Variants in TLN2 observed in about 807,000 individuals in gnomAD.
The protein encoded by TLN2 is talin 2, also known as talin-2.
A neutral mutation model predicts 294.7 loss-of-function variants in TLN2; 118 were observed. The ratio of observed to expected loss-of-function variants is 0.40; its 90% CI spans 0.34 to 0.47. TLN2 has a LOEUF of 0.47. Ranked by LOEUF, TLN2 falls within the 20% of genes least tolerant of loss-of-function variation. The probability of loss-of-function intolerance (pLI) is 0.84; values close to 1 mark genes in which losing one functional copy is unlikely to be tolerated. For missense variants in TLN2, 3,083 were observed against 3,282.2 expected, an observed-to-expected ratio of 0.94 and a Z score of 1.48; for synonymous variants, 1,431 against 1,304.5, an observed-to-expected ratio of 1.10 and a Z score of -2.09.
At chr15:62,394,221 G>A (rs2032337242) in intron 1 of TLN2, among the ~76,000 whole-genome samples, 1 of 152,286 alleles carries the variant, frequency 6.6e-6, no homozygotes, top group East Asian at 1.9e-4. Flanking sequence ...GTGTAGTGGT[G>A]TTGTGATGTG....
At chr15:62,492,813 A>G (rs2038819951) in intron 1 of TLN2, among the ~76,000 whole-genome samples, 1 of 152,214 alleles carries the variant, frequency 6.6e-6, no homozygotes, top group Non-Finnish European at 1.5e-5. Flanking sequence ...GAATTCTACC[A>G]TAACAGATTC....
intron 13 of TLN2, among the ~76,000 whole-genome samples, chr15:62,693,742 T>A (rs1192030077): frequency 1.3e-5 from 2 of 152,214 alleles, no homozygotes; most frequent in African/African-American, 2.4e-5. Flanking sequence ...CTTGATTTTT[T>A]ACTATGTAAA....
chr15:62,762,435 G>A lies in TLN2; in HGVS notation c.4943G>A (p.Ser1648Asn). 1.9e-6 allele frequency: 3 copies of A among 1,614,130 alleles called. No homozygotes were observed. The highest frequency in any genetic ancestry group is 2.5e-6 in the Non-Finnish European group (3 of 1,180,038). The part of the protein sequence containing the change: ...HSHTVSDSIK[S>N]LITSIRDKAP... The stretch of plus-strand genomic sequence containing the variant: ...CATACAGTGTCCGACTCCATCAAGA[G>A]TCTCATCACTTCTATCAGGTCAGTT... The change falls in exon 39 of 59, where the codon AGT (serine) becomes AAT (asparagine). Residue 1648 changes from serine (S) to asparagine (N), a missense_variant. Coordinates refer to ENST00000636159, the MANE Select transcript of TLN2 (RefSeq NM_015059.3).
chr15:62,563,170 TC>T (rs1309845033), intron 1 of TLN2, among the ~76,000 whole-genome samples: 1 of 152,196 alleles, frequency 6.6e-6, no homozygotes, highest in Admixed American at 6.5e-5. Context: ...GGAATCTCCA[TC>T]CTGTTTTCCA....
At chr15:62,536,329 C>T (rs945495402) in intron 1 of TLN2, among the ~76,000 whole-genome samples, 1 of 152,198 alleles carries the variant, frequency 6.6e-6, no homozygotes, top group African/African-American at 2.4e-5. Flanking sequence ...GCACTCACTT[C>T]CAGGTTAGAG....
At chr15:62,546,356 G>C (rs1204043744) in intron 1 of TLN2, among the ~76,000 whole-genome samples, 1 of 152,202 alleles carries the variant, frequency 6.6e-6, no homozygotes, top group Non-Finnish European at 1.5e-5. Context: ...GAAAAGTGCT[G>C]ATAGAGATAT....
At chr15:62,835,591 A>G in intron 55 of TLN2, 146 bp from the exon 56 acceptor site, 2 of 808,364 alleles carry the variant, frequency 2.5e-6, no homozygotes, top group Admixed American at 4.1e-5. Flanking sequence ...CACGTGAGAA[A>G]GGTTGCTCCA....
intron 1 of TLN2, among the ~76,000 whole-genome samples, chr15:62,440,693 G>C (rs1436132757): frequency 6.6e-6 from 1 of 152,114 alleles, no homozygotes; most frequent in Non-Finnish European, 1.5e-5. Context: ...AGGAATTATT[G>C]ACCGTCCTAC....
intron 9 of TLN2, among the ~76,000 whole-genome samples, chr15:62,665,298 C>CT (rs1487847350): frequency 1.3e-5 from 2 of 152,296 alleles, no homozygotes; most frequent in Admixed American, 6.5e-5. Context: ...GATCCACCCT[C>CT]TTCAGCCTCC....
intron 1 of TLN2, among the ~76,000 whole-genome samples, chr15:62,586,618 A>G (rs971583732): frequency 6.6e-6 from 1 of 152,258 alleles, no homozygotes; most frequent in African/African-American, 2.4e-5. Context: ...TCTGTATTTT[A>G]TAATCTCCAT....
intron 33 of TLN2, among the ~76,000 whole-genome samples, chr15:62,749,917 G>A (rs923183059): frequency 1.3e-5 from 2 of 152,158 alleles, no homozygotes; most frequent in Non-Finnish European, 2.9e-5. Flanking sequence ...CATCACAATG[G>A]ACAGTTTGGG....
intron 1 of TLN2, among the ~76,000 whole-genome samples, chr15:62,549,531 C>A (rs1252852992): frequency 7.9e-6 from 1 of 126,188 alleles, no homozygotes; most frequent in Non-Finnish European, 1.7e-5. Context: ...CAGTGAGTTC[C>A]TGCTATGTGC....
chr15:62,527,145 G>A (rs568887516), intron 1 of TLN2, among the ~76,000 whole-genome samples: 1 of 152,302 alleles, frequency 6.6e-6, no homozygotes, highest in South Asian at 2.1e-4. Context: ...TAGGTGAGGA[G>A]TGCATACCAT....
At chr15:62,660,721 G>C (rs1203457558) in intron 9 of TLN2, among the ~76,000 whole-genome samples, 1 of 152,156 alleles carries the variant, frequency 6.6e-6, no homozygotes, top group African/African-American at 2.4e-5. Context: ...ATGTGAGCCT[G>C]GTGTTTTTCT....
chr15:62,715,500 A>G (rs1196219075), intron 22 of TLN2, among the ~76,000 whole-genome samples: 1 of 152,208 alleles, frequency 6.6e-6, no homozygotes, highest in East Asian at 1.9e-4. Flanking sequence ...ATTATTATAG[A>G]GTTAAAATTA....
chr15:62,835,950 G>A lies in TLN2; in HGVS notation c.7251G>A (p.Gln2417=). 1.9e-6 allele frequency: 3 copies of A among 1,614,212 alleles called. No homozygotes were observed. The highest frequency in any genetic ancestry group is 1.1e-5 in the South Asian group (1 of 91,082). Residue 2417 remains glutamine, a synonymous_variant, in exon 57 of 59, where the codon CAG becomes CAA. Transcript: ENST00000636159. ...SLCEAANASV[Q]GHASEEKLIS... ...GTGAGGCGGCCAATGCCTCCGTTCA[G>A]GGACACGCCAGCGAGGAGAAGCTCA...
At chr15:62,796,348 A>G (rs925845962) in intron 47 of TLN2, 55 bp downstream of exon 47, 9 of 1,550,554 alleles carry the variant, frequency 5.8e-6, no homozygotes, top group East Asian at 2.3e-5. Flanking sequence ...CCTGAAACTC[A>G]TGATCGACTT....
chr15:62,632,553 G>A (rs2050005670), intron 3 of TLN2, among the ~76,000 whole-genome samples: 2 of 152,176 alleles, frequency 1.3e-5, no homozygotes, highest in Non-Finnish European at 2.9e-5. Flanking sequence ...TCTACTACAT[G>A]GCACCCGCCA....
intron 30 of TLN2, among the ~76,000 whole-genome samples, chr15:62,739,004 CAA>C (rs1341911520): frequency 2.0e-5 from 3 of 152,268 alleles, no homozygotes; most frequent in Admixed American, 6.5e-5. Context: ...TTAACAGAGA[CAA>C]AATAGGGTAG....
Sources: allele counts gnomAD v4.1 joint callset (sites outside exome capture counted in the v4.1 genomes callset), GRCh38; gene constraint gnomAD v4.1.1; transcripts MANE v1.5; gene names NCBI Gene and HGNC (gene_info 2026-07-23, HGNC 2026-07-21).